The following EAPP variants were observed in gnomAD, a reference collection of about 807,000 sequenced individuals.
EAPP encodes the protein E2F associated phosphoprotein.
A neutral mutation model predicts 34.3 loss-of-function variants in EAPP; 38 were observed. The ratio of observed to expected loss-of-function variants is 1.11; its 90% CI spans 0.85 to 1.45. EAPP has a LOEUF of 1.45. EAPP is among the 40% of genes most tolerant of loss of function. The probability of loss-of-function intolerance (pLI) is 0.00; values close to 1 mark genes in which losing one functional copy is unlikely to be tolerated. For synonymous variants in EAPP, 113 were observed against 117.6 expected, an observed-to-expected ratio of 0.96 and a Z score of 0.25; for missense variants, 338 against 343.7, an observed-to-expected ratio of 0.98 and a Z score of 0.13.
chr14:34,523,220 T>C (rs1879974526), intron 5 of EAPP, among the ~76,000 whole-genome samples: 1 of 151,248 alleles, frequency 6.6e-6, no homozygotes. Flanking sequence ...ATGCTGCTAT[T>C]TTGCACTAGA....
intron 2 of EAPP, 72 bp downstream of exon 2, chr14:34,536,022 G>T: frequency 9.1e-7 from 1 of 1,098,316 alleles, no homozygotes; most frequent in East Asian, 2.5e-5. Context: ...TGGGAACATA[G>T]AAGAGCACAA....
chr14:34,529,616 A>T, intron 3 of EAPP, 141 bp from the exon 4 acceptor site: 2 of 646,318 alleles, frequency 3.1e-6, no homozygotes, highest in Non-Finnish European at 5.2e-6. Flanking sequence ...GCAGTGGCTC[A>T]CACCTGTAAT....
chr14:34,537,039 C>T (rs1279946280), intron 1 of EAPP, among the ~76,000 whole-genome samples: 1 of 151,740 alleles, frequency 6.6e-6, no homozygotes, highest in Non-Finnish European at 1.5e-5. Flanking sequence ...AGATGGGGGT[C>T]TCCCTGTGTT....
Position 34,524,477 on chromosome 14 carries a change from A to G in EAPP, c.581+220T>C, listed in dbSNP as rs200530858. ...AGATACACACAAAAACTAGCCAGGCATGGTGGTGGCCGCTTGTAATCCCAG... is the reference window on the plus strand; with the variant it reads ...AGATACACACAAAAACTAGCCAGGCGTGGTGGTGGCCGCTTGTAATCCCAG... On this transcript the variant is annotated intron_variant, in intron 5 of 5. Transcript: ENST00000250454. 3.3e-5 allele frequency among the ~76,000 whole-genome samples: 5 copies of G among 152,014 alleles called. No homozygotes were observed. In the East Asian group the frequency reaches 5.8e-4, roughly 18 times the overall value.
chr14:34,524,408 A>ATC (rs1566446501), intron 5 of EAPP, among the ~76,000 whole-genome samples: 3 of 151,706 alleles, frequency 2.0e-5, no homozygotes, highest in African/African-American at 4.8e-5. Flanking sequence ...AAACAAAACT[A>ATC]TATCTATCTA....
chr14:34,536,409 A>G (rs1880476940), intron 1 of EAPP, 134 bp from the exon 2 acceptor site: 1 of 560,810 alleles, frequency 1.8e-6, no homozygotes, highest in Non-Finnish European at 2.9e-6. Context: ...CATTACATAT[A>G]GCTATTCTCA....
chr14:34,537,794 G>C (rs925558089), intron 1 of EAPP, among the ~76,000 whole-genome samples: 1 of 152,198 alleles, frequency 6.6e-6, no homozygotes, highest in Admixed American at 6.5e-5. Flanking sequence ...TGCTCATGCT[G>C]CTTGCTGTGC....
At chr14:34,535,301 T>C (rs1422813873) in intron 2 of EAPP, among the ~76,000 whole-genome samples, 3 of 151,288 alleles carry the variant, frequency 2.0e-5, no homozygotes, top group Non-Finnish European at 4.4e-5. Flanking sequence ...AACTAATTTT[T>C]GTATTTTTAG....
At chr14:34,529,602 G>A (rs572061489) in intron 3 of EAPP, 127 bp from the exon 4 acceptor site, 20 of 719,196 alleles carry the variant, frequency 2.8e-5, no homozygotes, top group South Asian at 1.3e-4. Flanking sequence ...AAAAAGGGAC[G>A]GGCGCAGTGG....
At chr14:34,517,123 A>G (rs1486464645) in intron 5 of EAPP, among the ~76,000 whole-genome samples, 1 of 151,522 alleles carries the variant, frequency 6.6e-6, no homozygotes, top group Non-Finnish European at 1.5e-5. Flanking sequence ...TATTTTTAGT[A>G]GAGATGGGGT....
At position 34,539,666 on chromosome 14, in the gene EAPP, T is replaced by C; in HGVS notation, c.-38A>G. On this transcript the variant is annotated 5_prime_UTR_variant, in exon 1 of 6. Coordinates refer to ENST00000250454, the MANE Select transcript of EAPP (RefSeq NM_018453.4). ...CGGCCTACACCGTCCACAAGCAATT[T>C]GCAGCGTCTCTGTTTACACTGCAAG... 2.6e-6 allele frequency: 4 copies of C among 1,511,144 alleles called. No homozygotes were observed. Among genetic ancestry groups the C allele is most frequent in the Non-Finnish European group, 3.5e-6 (4 of 1,131,634 alleles). The allele number at this position is 1,511,144 out of a possible 1,614,324, so 93.6% of individuals were successfully genotyped here.
At chr14:34,538,379 AAAATAAAT>A (rs10617413) in intron 1 of EAPP, among the ~76,000 whole-genome samples, 1 of 150,140 alleles carries the variant, frequency 6.7e-6, no homozygotes, top group Non-Finnish European at 1.5e-5. Flanking sequence ...ACTCTGTCTC[AAAATAAAT>A]AAATAAATAA....
At chr14:34,530,199 T>C (rs1880237060) in intron 3 of EAPP, among the ~76,000 whole-genome samples, 1 of 150,660 alleles carries the variant, frequency 6.6e-6, no homozygotes, top group South Asian at 2.1e-4. Flanking sequence ...AAACTCCGTC[T>C]CAAAAAAAAA....
chr14:34,516,246 G>A lies in EAPP; in HGVS notation c.*64C>T, dbSNP rs1879713300. The A allele has an allele frequency of 6.9e-7, 1 of 1,452,952 alleles. No homozygotes were observed. Among genetic ancestry groups the A allele is most frequent in the Admixed American group, 2.1e-5 (1 of 46,576 alleles). 90.0% of individuals were successfully genotyped at this position (1,452,952 alleles called of 1,614,324 possible). On this transcript the variant is annotated 3_prime_UTR_variant, in exon 6 of 6. Coordinates refer to ENST00000250454, the MANE Select transcript of EAPP (RefSeq NM_018453.4). ...CACTGAAGGATATGAACAGGCAAGA[G>A]GAAAGTAACTGTCCATATTTGCCTT...
chr14:34,523,729 A>C (rs1880000299), intron 5 of EAPP, among the ~76,000 whole-genome samples: 1 of 151,674 alleles, frequency 6.6e-6, no homozygotes, highest in African/African-American at 2.4e-5. Flanking sequence ...TTTTTTGTAG[A>C]GATGAGGTAT....
chr14:34,518,950 G>A (rs924421655), intron 5 of EAPP, among the ~76,000 whole-genome samples: 1 of 152,154 alleles, frequency 6.6e-6, no homozygotes, highest in Non-Finnish European at 1.5e-5. Context: ...TTGGAGAAGT[G>A]AGTCCATTTA....
intron 5 of EAPP, among the ~76,000 whole-genome samples, chr14:34,518,934 T>C (rs529300183): frequency 6.6e-6 from 1 of 152,300 alleles, no homozygotes; most frequent in South Asian, 2.1e-4. Flanking sequence ...ACTGTCTGCC[T>C]TTAAATTGGA....
rs138605604 is a variant in EAPP at position 34,531,161 on chromosome 14, C to T, written c.353-1686G>A. Among the ~76,000 whole-genome samples, 52 of 151,968 alleles carry T rather than the reference C, an allele frequency of 3.4e-4. No homozygotes were observed. In the East Asian group the frequency reaches 6.2e-3, roughly 18 times the overall value. On this transcript the variant is annotated intron_variant, in intron 3 of 5. Coordinates refer to ENST00000250454, the MANE Select transcript of EAPP (RefSeq NM_018453.4). ...CTCTTCTAAAAATACAAAAAGTAAC[C>T]GGGTATGGTAGCTTGTGCCTGTAGT...
At position 34,539,539 on chromosome 14, in the gene EAPP, T is replaced by C; in HGVS notation, c.74+16A>G. 6.2e-7 allele frequency: 1 copy of C among 1,604,312 alleles called. No homozygotes were observed. Among genetic ancestry groups the C allele is most frequent in the Non-Finnish European group, 8.5e-7 (1 of 1,178,912 alleles). ...CGACCCAAATCCTCGGGGGCCAGGG[T>C]GGGGCGGGAGCCCACCTGCTCAAAG... On this transcript the variant is annotated intron_variant, in intron 1 of 5. Transcript: ENST00000250454.
Sources: allele counts gnomAD v4.1 joint callset (sites outside exome capture counted in the v4.1 genomes callset), GRCh38; gene constraint gnomAD v4.1.1; transcripts MANE v1.5; gene names NCBI Gene and HGNC (gene_info 2026-07-23, HGNC 2026-07-21).